USP25: variants seen among roughly 807,000 people sequenced by gnomAD.
USP25 encodes the protein ubiquitin carboxyl-terminal hydrolase 25.
Under a neutral mutation model 158.5 loss-of-function variants are expected in USP25, and 85 were observed. The observed-to-expected ratio is 0.54, with a 90% confidence interval of 0.45 to 0.64. The LOEUF (loss-of-function observed/expected upper bound fraction) is 0.64. Ranked by LOEUF, USP25 falls within the 30% of genes least tolerant of loss-of-function variation. The probability of loss-of-function intolerance (pLI) is 0.00; values close to 1 mark genes in which losing one functional copy is unlikely to be tolerated. For missense variants in USP25, 1,242 were observed against 1,327.3 expected, an observed-to-expected ratio of 0.94 and a Z score of 1.00; for synonymous variants, 464 against 460.4, an observed-to-expected ratio of 1.01 and a Z score of -0.10.
At chr21:15,877,634 AT>A (rs2040149167) in intron 24 of USP25, 161 bp from the exon 25 acceptor site, 1 of 524,294 alleles carries the variant, frequency 1.9e-6, no homozygotes, top group Non-Finnish European at 3.3e-6. Flanking sequence ...CTAAAGAGAG[AT>A]TTTCAGTTCT....
chr21:15,864,476 C>A, intron 21 of USP25, 30 bp downstream of exon 21: 2 of 1,530,602 alleles, frequency 1.3e-6, no homozygotes, highest in South Asian at 1.2e-5. Flanking sequence ...TTCATATGCT[C>A]AAATCGTTCT....
intron 4 of USP25, among the ~76,000 whole-genome samples, chr21:15,781,190 A>C (rs2034942693): frequency 6.6e-6 from 1 of 152,212 alleles, no homozygotes; most frequent in Non-Finnish European, 1.5e-5. Flanking sequence ...CACCCCATGC[A>C]ATGTGGGCTC....
intron 1 of USP25, among the ~76,000 whole-genome samples, chr21:15,755,954 A>G (rs1488266990): frequency 6.6e-6 from 1 of 152,158 alleles, no homozygotes; most frequent in African/African-American, 2.4e-5. Context: ...AATGACCTGG[A>G]ACAAAATTCT....
At chr21:15,807,027 C>T (rs2036427053) in intron 7 of USP25, among the ~76,000 whole-genome samples, 1 of 152,046 alleles carries the variant, frequency 6.6e-6, no homozygotes, top group Non-Finnish European at 1.5e-5. Context: ...GGGCTCAACC[C>T]TTCCCCAGAC....
intron 15 of USP25, 49 bp from the exon 16 acceptor site, chr21:15,831,352 A>T: frequency 6.5e-7 from 1 of 1,533,854 alleles, no homozygotes; most frequent in Non-Finnish European, 9.0e-7. Flanking sequence ...AATGTGGTAT[A>T]TAGTAAACTA....
intron 1 of USP25, among the ~76,000 whole-genome samples, chr21:15,738,842 C>G: frequency 6.6e-6 from 1 of 152,196 alleles, no homozygotes; most frequent in East Asian, 1.9e-4. Flanking sequence ...GTTATGTTAT[C>G]TATAGATTAC....
chr21:15,837,557 G>T (rs183203554), intron 17 of USP25, among the ~76,000 whole-genome samples: 17 of 152,334 alleles, frequency 1.1e-4, no homozygotes, highest in Admixed American at 2.6e-4. Context: ...TAATTCTGAG[G>T]TTAAGCAGCA....
Position 15,730,317 on chromosome 21 carries a change from A to T in USP25, c.-77A>T. 1 of 1,037,016 alleles carries T rather than the reference A, an allele frequency of 9.6e-7. No homozygotes were observed. Among genetic ancestry groups the T allele is most frequent in the Non-Finnish European group, 1.2e-6 (1 of 864,850 alleles). The allele number at this position is 1,037,016 out of a possible 1,614,324, so 64.2% of individuals were successfully genotyped here. A position where few individuals can be genotyped will look rare whatever the true frequency, so the allele number is the denominator to read the frequency against. ...CGCGCCGCTCCCTGGAGCTCGGCGG[A>T]GCGCGGCAGCCAGGGCCGGCGGAGG... On this transcript the variant is annotated 5_prime_UTR_variant, in exon 1 of 26. Transcript: ENST00000400183.
chr21:15,855,125 G>GT (rs1175767687), intron 20 of USP25, among the ~76,000 whole-genome samples: 1 of 152,062 alleles, frequency 6.6e-6, no homozygotes, highest in East Asian at 1.9e-4. Flanking sequence ...TGGGATTAGT[G>GT]TAAGTTTTTT....
In USP25 at chr21:15,826,508, G is replaced by C; in HGVS notation, c.1466+143G>C. On this transcript the variant is annotated intron_variant, in intron 13 of 25. Coordinates refer to ENST00000400183, the MANE Select transcript of USP25 (RefSeq NM_001283041.3). This position sits in a 1 kb window ranked among gnomAD's most constrained non-coding sequence, Gnocchi z 4.8. ...TAAGAGTAGATTCACTTAGAAGACT[G>C]TATGTCCTCTGGGAGTTTTTTTATT... 7 of 917,926 alleles carry C rather than the reference G, an allele frequency of 7.6e-6. No homozygotes were observed. The highest frequency in any genetic ancestry group is 1.1e-5 in the Non-Finnish European group (7 of 623,656). 56.9% of individuals were successfully genotyped at this position (917,926 alleles called of 1,614,324 possible).
rs1158862222 is a variant in USP25, at chr21:15,872,014, G to GTTTT, written c.2885+1890_2885+1893dup. On this transcript the variant is annotated intron_variant, in intron 23 of 25. Coordinates refer to ENST00000400183, the MANE Select transcript of USP25 (RefSeq NM_001283041.3). ...TCAAAAAAAAAAAGAAAGAAATACT[G>GTTTT]TTTTTTTTTTTTTTTTTTTTTTTTT... Among the ~76,000 whole-genome samples the GTTTT allele has an allele frequency of 3.9e-3, 281 of 71,632 alleles. 13 individuals are homozygous for GTTTT. Among genetic ancestry groups the GTTTT allele is most frequent in the African/African-American group, 0.014 (265 of 19,328 alleles). 47.0% of individuals were successfully genotyped at this position (71,632 alleles called of 152,430 possible).
intron 7 of USP25, among the ~76,000 whole-genome samples, chr21:15,807,080 C>T (rs1013186372): frequency 6.6e-5 from 10 of 151,970 alleles, no homozygotes; most frequent in Non-Finnish European, 8.8e-5. Context: ...CATGCCACCG[C>T]GCCTGGCAAA....
chr21:15,871,860 G>C (rs1427800255), intron 23 of USP25, among the ~76,000 whole-genome samples: 1 of 151,810 alleles, frequency 6.6e-6, no homozygotes. Context: ...ATTGGTGTGT[G>C]TGCGACTGTG....
At chr21:15,861,497 T>A (rs2039425715) in intron 20 of USP25, among the ~76,000 whole-genome samples, 1 of 152,148 alleles carries the variant, frequency 6.6e-6, no homozygotes, top group African/African-American at 2.4e-5. Context: ...GCAAATATAA[T>A]TCTAGAACAG....
chr21:15,799,717 A>G, intron 5 of USP25, 40 bp from the exon 6 acceptor site: 1 of 1,406,288 alleles, frequency 7.1e-7, no homozygotes, highest in South Asian at 1.3e-5. Flanking sequence ...TGCTAATGGA[A>G]TTTTCCCTCA....
chr21:15,792,685 C>CT (rs1278195024), intron 5 of USP25, among the ~76,000 whole-genome samples: 4 of 151,416 alleles, frequency 2.6e-5, no homozygotes, highest in Non-Finnish European at 4.4e-5. Context: ...GTAATTTTAA[C>CT]TTTTTTTTAT....
chr21:15,767,180 G>C (rs1007009386), intron 3 of USP25, among the ~76,000 whole-genome samples: 32 of 151,998 alleles, frequency 2.1e-4, no homozygotes, highest in African/African-American at 7.7e-4. Flanking sequence ...ATTTTCCACT[G>C]TTTTCCTCCT....
intron 1 of USP25, among the ~76,000 whole-genome samples, chr21:15,757,425 A>G (rs1426583614): frequency 6.6e-6 from 1 of 152,160 alleles, no homozygotes; most frequent in African/African-American, 2.4e-5. Context: ...ATTTTTTTCT[A>G]GGATATTTGT....
At chr21:15,854,244 C>T (rs187071125) in intron 20 of USP25, among the ~76,000 whole-genome samples, 90 of 152,238 alleles carry the variant, frequency 5.9e-4, no homozygotes, top group African/African-American at 2.1e-3. Flanking sequence ...CTCCCAGGTT[C>T]GAGCAGTTCT....
Sources: allele counts gnomAD v4.1 joint callset (sites outside exome capture counted in the v4.1 genomes callset), GRCh38; gene constraint gnomAD v4.1.1; non-coding constraint Gnocchi (gnomAD v3.1); transcripts MANE v1.5; gene names NCBI Gene and HGNC (gene_info 2026-07-23, HGNC 2026-07-21).